Variants in ANTXRL observed in about 807,000 individuals in gnomAD.
ANTXRL encodes anthrax toxin receptor-like.
In ANTXRL, 63 loss-of-function variants were observed where a neutral mutation model predicts 75.4. The observed-to-expected ratio is 0.84, with a 90% CI of 0.68 to 1.03. ANTXRL has a LOEUF of 1.03. Among genes scored for constraint, ANTXRL ranks in the 50% least tolerant of loss-of-function variants. ANTXRL has a pLI of 0.00. For synonymous variants in ANTXRL, 335 were observed against 291.3 expected (o/e 1.15, Z -1.53); for missense variants, 797 against 789.4 (o/e 1.01, Z -0.12).
chr10:46,295,890 G>A (rs1371006576), intron 3 of ANTXRL, 129 bp from the exon 4 acceptor site: 2 of 759,758 alleles, frequency 2.6e-6, no homozygotes, highest in Admixed American at 2.1e-5. Context: ...GGAGGACAAA[G>A]CCCTTGCCTG....
intron 3 of ANTXRL, 23 bp from the exon 4 acceptor site, chr10:46,295,996 C>T: frequency 1.3e-6 from 2 of 1,528,690 alleles, no homozygotes; most frequent in Non-Finnish European, 1.8e-6. Flanking sequence ...TCCAGGTCAA[C>T]CACCTTTTTA....
At chr10:46,329,560 G>A in intron 16 of ANTXRL, 39 bp from the exon 17 acceptor site, 1 of 1,522,144 alleles carries the variant, frequency 6.6e-7, no homozygotes, top group Non-Finnish European at 8.8e-7. Context: ...CAGTTCGAAT[G>A]CCATCACGGT....
At chr10:46,313,170 G>A in intron 15 of ANTXRL, 66 bp from the exon 16 acceptor site, 1 of 1,378,420 alleles carries the variant, frequency 7.3e-7, no homozygotes, top group Non-Finnish European at 1.0e-6. Context: ...GGGCTGGGGA[G>A]TCCTGATGCC....
chr10:46,320,623 T>G (rs942310834), intron 16 of ANTXRL, among the ~76,000 whole-genome samples: 4 of 152,118 alleles, frequency 2.6e-5, no homozygotes, highest in Admixed American at 2.0e-4. Flanking sequence ...TTCCAGCTTC[T>G]TGGGAGACTG....
At chr10:46,302,649 A>G in intron 9 of ANTXRL, 73 bp from the exon 10 acceptor site, 1 of 1,131,470 alleles carries the variant, frequency 8.8e-7, no homozygotes, top group South Asian at 1.4e-5. Context: ...GTGGATCTCC[A>G]GGAATAGGGA....
chr10:46,294,237 C>T (rs376753036), intron 3 of ANTXRL: 235 of 355,968 alleles, frequency 6.6e-4, no homozygotes, highest in African/African-American at 4.3e-3. Flanking sequence ...GGTGTGTGTC[C>T]TGTGAACACA....
At chr10:46,306,451 G>T (rs1261521761) in intron 10 of ANTXRL, among the ~76,000 whole-genome samples, 1 of 152,146 alleles carries the variant, frequency 6.6e-6, no homozygotes. Flanking sequence ...TAATGAAGCG[G>T]CTGTCCCTTC....
At chr10:46,325,280 A>C (rs1400605185) in intron 16 of ANTXRL, among the ~76,000 whole-genome samples, 2 of 152,096 alleles carry the variant, frequency 1.3e-5, no homozygotes, top group African/African-American at 4.8e-5. Flanking sequence ...AAAAGTCAAC[A>C]ATCTCCTTTC....
At chr10:46,289,417 T>C (rs1836892290) in intron 1 of ANTXRL, among the ~76,000 whole-genome samples, 1 of 152,176 alleles carries the variant, frequency 6.6e-6, no homozygotes, top group African/African-American at 2.4e-5. Flanking sequence ...CCAGAAATGT[T>C]TCATCATTGC....
intron 2 of ANTXRL, among the ~76,000 whole-genome samples, chr10:46,293,382 G>C (rs1263666474): frequency 1.4e-5 from 2 of 142,468 alleles, no homozygotes; most frequent in Non-Finnish European, 3.1e-5. Context: ...CTGTGTGTGA[G>C]TGTGTGCCTG....
intron 9 of ANTXRL, among the ~76,000 whole-genome samples, chr10:46,301,823 G>A (rs2132726796): frequency 6.6e-6 from 1 of 152,338 alleles, no homozygotes; most frequent in African/African-American, 2.4e-5. Flanking sequence ...TGGGTGCATG[G>A]ACCGGGGGCG....
In ANTXRL at chr10:46,313,192, G is replaced by C. The variant is rs113234599; in HGVS notation, c.1330-44G>C. 311 of 1,499,660 alleles carry C rather than the reference G, an allele frequency of 2.1e-4. 1 individual carries two copies. In the African/African-American group the frequency reaches 3.9e-3, roughly 19 times the overall value. The allele number at this position is 1,499,660 out of a possible 1,614,324, so 92.9% of individuals were successfully genotyped here. A position where few individuals can be genotyped will look rare whatever the true frequency, so the allele number is the denominator to read the frequency against. ...GGAGTCCTGATGCCTTCTGGAGGCA[G>C]TGTCCAAGCTGCATGTCTTCCTCAT... On this transcript the variant is annotated intron_variant, in intron 15 of 16. Coordinates refer to ENST00000620264, the MANE Select transcript of ANTXRL (RefSeq NM_001278688.3).
chr10:46,295,497 A>AGAGTTAGAGTTG lies in ANTXRL; in HGVS notation c.393-511_393-510insGGAGTTAGAGTT, dbSNP rs1554958306. ...TAGAGTTAGAGTTAGAGTTAGAGTT[A>AGAGTTAGAGTTG]GAGTTAGAGTTAGGAATGTCAACCC... On this transcript the variant is annotated intron_variant, in intron 3 of 16. Transcript: ENST00000620264. 2.7e-4 allele frequency among the ~76,000 whole-genome samples: 17 copies of AGAGTTAGAGTTG among 62,698 alleles called. 1 individual carries two copies. The highest frequency in any genetic ancestry group is 7.2e-4 in the African/African-American group (16 of 22,240). The allele number at this position is 62,698 out of a possible 152,430, so 41.1% of individuals were successfully genotyped here. A position where few individuals can be genotyped will look rare whatever the true frequency, so the allele number is the denominator to read the frequency against.
In ANTXRL at chr10:46,298,004, C is replaced by T; in HGVS notation, c.738C>T (p.Leu246=). 2 of 1,535,882 alleles carry T rather than the reference C, an allele frequency of 1.3e-6. No homozygotes were observed. Among genetic ancestry groups the T allele is most frequent in the East Asian group, 2.4e-5 (1 of 40,914 alleles). The part of the protein sequence containing the change: ...FKALRSTIDA[L]TSKVCLDVTS... ...GCCCCACCCCTCCTGTGTTCCAGCTCACGTCAAAGGTCTGTCTTGATGTGA... is the reference window on the plus strand; with the variant it reads ...GCCCCACCCCTCCTGTGTTCCAGCTTACGTCAAAGGTCTGTCTTGATGTGA... The change falls in exon 9 of 17, where the codon CTC becomes CTT. Residue 246 remains leucine (L), a splice_region_variant and synonymous_variant. Coordinates refer to ENST00000620264, the MANE Select transcript of ANTXRL (RefSeq NM_001278688.3).
intron 15 of ANTXRL, among the ~76,000 whole-genome samples, 175 bp from the exon 16 acceptor site, chr10:46,313,061 C>G (rs1389387645): frequency 6.6e-5 from 10 of 152,170 alleles, no homozygotes; most frequent in Non-Finnish European, 1.2e-4. Context: ...TCTCTGTGGC[C>G]ACAGTGACCA....
At chr10:46,300,382 G>A (rs74129846) in intron 9 of ANTXRL, among the ~76,000 whole-genome samples, 5,882 of 152,108 alleles carry the variant, frequency 0.039, 347 homozygotes, top group African/African-American at 0.13. Context: ...AGGGAGGCAT[G>A]CAGCCCAGAC....
At chr10:46,311,255 C>T (rs563314786) in intron 14 of ANTXRL, among the ~76,000 whole-genome samples, 1 of 152,204 alleles carries the variant, frequency 6.6e-6, no homozygotes, top group South Asian at 2.1e-4. Context: ...GGGACCATTG[C>T]ATAACCCCCA....
Position 46,330,054 on chromosome 10 carries a change from G to A in ANTXRL, c.1866G>A (p.Leu622=). The A allele has an allele frequency of 2.1e-5, 32 of 1,524,810 alleles. No individual in the cohort carries two copies. The highest frequency in any genetic ancestry group is 2.8e-5 in the Non-Finnish European group (32 of 1,140,170). The allele number at this position is 1,524,810 out of a possible 1,614,324, so 94.5% of individuals were successfully genotyped here. ...TCAGGCACACGGCAGAACCCCCTTT[G>A]TCACTCCCCCCCTCAGAGCCCAACT... ...PLLRHTAEPP[L]SLPPSEPNF Residue 622 remains leucine, a synonymous_variant, in exon 17 of 17, where the codon TTG becomes TTA. Transcript: ENST00000620264.
intron 16 of ANTXRL, among the ~76,000 whole-genome samples, chr10:46,327,071 AG>A (rs1428305065): frequency 6.6e-6 from 1 of 152,162 alleles, no homozygotes; most frequent in Non-Finnish European, 1.5e-5. Flanking sequence ...AGCTTGTCAG[AG>A]GCAGCACCAG....
Sources: gnomAD v4.1 joint callset for allele counts (sites outside exome capture counted in the v4.1 genomes callset) on GRCh38, gnomAD v4.1.1 for gene constraint, MANE v1.5 for transcripts, NCBI Gene and HGNC (gene_info 2026-07-23, HGNC 2026-07-21) for gene names.